The following INTS2 variants were observed in gnomAD, a reference collection of about 807,000 sequenced individuals.
INTS2 encodes the protein KIAA1287.
A neutral mutation model predicts 139.6 loss-of-function variants in INTS2; 57 were observed. The observed-to-expected ratio is 0.41, with a 90% CI of 0.33 to 0.51. The LOEUF (loss-of-function observed/expected upper bound fraction) is 0.51, where lower values mean the gene tolerates loss of function less well. Ranked by LOEUF, INTS2 falls within the 20% of genes least tolerant of loss-of-function variation. INTS2 has a pLI of 0.28. For synonymous variants in INTS2, 473 were observed against 493.4 expected (o/e 0.96, Z 0.55); for missense variants, 1,196 against 1,436.7 (o/e 0.83, Z 2.71).
At chr17:61,905,572 A>T (rs1289272896) in intron 8 of INTS2, among the ~76,000 whole-genome samples, 1 of 152,136 alleles carries the variant, frequency 6.6e-6, no homozygotes, top group Admixed American at 6.6e-5. Flanking sequence ...CTGATCCACA[A>T]GCCTTGGCCT....
intron 15 of INTS2, among the ~76,000 whole-genome samples, chr17:61,885,486 C>T (rs527613204): frequency 2.0e-5 from 3 of 150,736 alleles, no homozygotes; most frequent in Non-Finnish European, 4.4e-5. Context: ...ACGATCTCAG[C>T]TCACTGCAAC....
chr17:61,898,523 C>T (rs989421204), intron 9 of INTS2, among the ~76,000 whole-genome samples: 1 of 152,044 alleles, frequency 6.6e-6, no homozygotes, highest in African/African-American at 2.4e-5. Context: ...CTTGAACTCT[C>T]GAGCTCAAGT....
intron 15 of INTS2, among the ~76,000 whole-genome samples, chr17:61,889,174 G>A (rs1250172991): frequency 1.3e-5 from 2 of 149,462 alleles, no homozygotes; most frequent in Non-Finnish European, 3.0e-5. Context: ...TGCAACTTCC[G>A]CCTCTGGGTT....
rs933539827 is a variant in INTS2, at chr17:61,893,474, T to A, written c.1698+291A>T. Among the ~76,000 whole-genome samples, 1 of 152,116 alleles carries A rather than the reference T, an allele frequency of 6.6e-6. No homozygotes were observed. Among genetic ancestry groups the A allele is most frequent in the Non-Finnish European group, 1.5e-5 (1 of 68,032 alleles). ...ACTTTGGTCGGTTGAGACAGGCATATCACTTGAGGTCAGGAGTTCGACACC... is the reference window on the plus strand; with the variant it reads ...ACTTTGGTCGGTTGAGACAGGCATAACACTTGAGGTCAGGAGTTCGACACC... On this transcript the variant is annotated intron_variant, in intron 13 of 24. Coordinates refer to ENST00000251334, the MANE Select transcript of INTS2 (RefSeq NM_001351695.2). The surrounding 1 kb of genome is among the most constrained non-coding windows in gnomAD (Gnocchi z 5.4).
intron 5 of INTS2, among the ~76,000 whole-genome samples, chr17:61,917,494 G>A (rs1603383134): frequency 6.6e-6 from 1 of 152,284 alleles, no homozygotes; most frequent in South Asian, 2.1e-4. Flanking sequence ...GATAAAGCTG[G>A]AAGCCATCCC....
intron 11 of INTS2, among the ~76,000 whole-genome samples, chr17:61,896,547 A>G (rs1412166410): frequency 1.3e-5 from 2 of 152,168 alleles, no homozygotes; most frequent in Non-Finnish European, 2.9e-5. Flanking sequence ...TATAAGGCAT[A>G]ATGACATATC....
At chr17:61,920,234 T>C (rs2079625657) in intron 4 of INTS2, among the ~76,000 whole-genome samples, 1 of 146,974 alleles carries the variant, frequency 6.8e-6, no homozygotes, top group African/African-American at 2.5e-5. Flanking sequence ...CAGGCTGGAA[T>C]GCAATGGCGC....
Position 61,879,887 on chromosome 17 carries a change from A to C in INTS2, c.2254+1120T>G, listed in dbSNP as rs73332563. Among the ~76,000 whole-genome samples the C allele has an allele frequency of 3.8e-3, 573 of 152,336 alleles. 4 individuals carry two copies. Among genetic ancestry groups the C allele is most frequent in the African/African-American group, 0.013 (538 of 41,568 alleles). The stretch of plus-strand genomic sequence containing the variant: ...AATATTGGCCATATTTGGTCAAATA[A>C]AATGATTATTTAAATTAGTGTTGCC... On this transcript the variant is annotated intron_variant, in intron 17 of 24. Transcript: ENST00000251334.
Position 61,869,033 on chromosome 17 carries a change from C to A in INTS2, c.3244+1G>T. The A allele has an allele frequency of 6.4e-7, 1 of 1,557,030 alleles. No individual in the cohort carries two copies. The highest frequency in any genetic ancestry group is 8.9e-7 in the Non-Finnish European group (1 of 1,129,592). On this transcript the variant is annotated splice_donor_variant, in intron 23 of 24. Transcript: ENST00000251334. LOFTEE classifies it high-confidence loss of function. The surrounding 1 kb of genome is among the most constrained non-coding windows in gnomAD (Gnocchi z 5.4). ...TTTGTTGATGTTGATTGGCTACATA[C>A]CTGTTAACAAAGTTCCCATGACATT...
chr17:61,922,541 T>TATATATATATATATAA (rs2079656798), intron 3 of INTS2, among the ~76,000 whole-genome samples: 1 of 110,214 alleles, frequency 9.1e-6, no homozygotes, highest in Non-Finnish European at 1.8e-5. Context: ...TATATATATA[T>TATATATATATATATAA]ATATACGTGT....
Position 61,912,017 on chromosome 17 carries a change from C to T in INTS2, c.703G>A (p.Gly235Arg). 1 of 1,613,840 alleles carries T rather than the reference C, an allele frequency of 6.2e-7. No individual in the cohort carries two copies. The highest frequency in any genetic ancestry group is 8.5e-7 in the Non-Finnish European group (1 of 1,179,812). The change falls in exon 6 of 25, where the codon GGA (glycine) becomes AGA (arginine). Residue 235 changes from glycine (G) to arginine (R), a missense_variant. Coordinates refer to ENST00000251334, the MANE Select transcript of INTS2 (RefSeq NM_001351695.2). ...CGTAAGGCATCTGTCCTGCGCCTTC[C>T]TCCAAGACTTTCTTCATCTTGTCGT... The part of the protein sequence containing the change: ...GERQDEESLG[G>R]RRRTDALRFL...
Position 61,924,982 on chromosome 17 carries a change from T to C in INTS2, c.411A>G (p.Glu137=). ...GCACCTTGTTCATAATTGCCAACAG[T>C]TCACTAAGCACAAGACGCAATCGAC... ...SPRRLRLVLS[E]LLAIMNKVSE... The change falls in exon 3 of 25, where the codon GAA becomes GAG. Residue 137 remains glutamate (E), a synonymous_variant. Transcript: ENST00000251334. 1 of 1,612,994 alleles carries C rather than the reference T, an allele frequency of 6.2e-7. No homozygotes were observed. Among genetic ancestry groups the C allele is most frequent in the Admixed American group, 1.7e-5 (1 of 59,858 alleles).
intron 9 of INTS2, among the ~76,000 whole-genome samples, chr17:61,902,653 T>C (rs1018771495): frequency 2.6e-5 from 4 of 151,684 alleles, no homozygotes; most frequent in African/African-American, 7.3e-5. Flanking sequence ...GTGGGAGGAC[T>C]GTTTCAGGCC....
intron 5 of INTS2, 85 bp from the exon 6 acceptor site, chr17:61,912,155 AT>A: frequency 7.1e-7 from 1 of 1,409,958 alleles, no homozygotes. Context: ...GGATCAGGGT[AT>A]TTGAAAGCAC....
chr17:61,920,927 G>A (rs1053778674), intron 4 of INTS2, among the ~76,000 whole-genome samples: 2 of 152,118 alleles, frequency 1.3e-5, no homozygotes, highest in Non-Finnish European at 2.9e-5. Flanking sequence ...TGGGACTACA[G>A]GTATACACCA....
chr17:61,927,629 G>A (rs2079731342), intron 1 of INTS2, 25 bp downstream of exon 1: 1 of 1,332,902 alleles, frequency 7.5e-7, no homozygotes, highest in Non-Finnish European at 9.6e-7. Context: ...AACGCGCTGA[G>A]GCCAGAGAAG....
At chr17:61,917,605 CA>C (rs1325559254) in intron 5 of INTS2, among the ~76,000 whole-genome samples, 2 of 152,046 alleles carry the variant, frequency 1.3e-5, no homozygotes, top group East Asian at 3.8e-4. Flanking sequence ...AAGATGGGAA[CA>C]ATGGACACTG....
intron 9 of INTS2, among the ~76,000 whole-genome samples, chr17:61,902,982 T>C (rs961886395): frequency 1.3e-4 from 20 of 149,778 alleles, no homozygotes; most frequent in Non-Finnish European, 2.8e-4. Flanking sequence ...GTGGCTAACA[T>C]GGTGAAACCC....
intron 8 of INTS2, among the ~76,000 whole-genome samples, chr17:61,906,935 G>T (rs1411635265): frequency 1.6e-5 from 2 of 127,152 alleles, no homozygotes; most frequent in African/African-American, 6.1e-5. Flanking sequence ...CTGCACTCCA[G>T]CCTGGGCGAC....
Sources: gnomAD v4.1 joint callset for allele counts (sites outside exome capture counted in the v4.1 genomes callset) on GRCh38, gnomAD v4.1.1 for gene constraint, Gnocchi (gnomAD v3.1) non-coding constraint, MANE v1.5 for transcripts, NCBI Gene and HGNC (gene_info 2026-07-23, HGNC 2026-07-21) for gene names.